STPG2: variants seen among roughly 807,000 people sequenced by gnomAD.
The protein encoded by STPG2 is sperm-tail PG-rich repeat-containing protein 2.
A neutral mutation model predicts 54.2 loss-of-function variants in STPG2; 56 were observed. That is an observed-to-expected ratio of 1.03 (90% CI 0.83 to 1.29). STPG2 has a LOEUF of 1.29. Ranked by LOEUF, STPG2 falls within the 50% of genes most tolerant of loss-of-function variation. STPG2 has a pLI of 0.00. For missense variants in STPG2, 596 were observed against 544.9 expected, an observed-to-expected ratio of 1.09 and a Z score of -0.93; for synonymous variants, 200 against 181.8, an observed-to-expected ratio of 1.10 and a Z score of -0.81.
chr4:97,949,738 T>C (rs1283718035), intron 7 of STPG2, among the ~76,000 whole-genome samples: 1 of 152,222 alleles, frequency 6.6e-6, no homozygotes, highest in African/African-American at 2.4e-5. Context: ...GTAAGTGTTC[T>C]GCTGAGAAGT....
intron 4 of STPG2, among the ~76,000 whole-genome samples, chr4:97,548,555 G>A (rs1208498070): frequency 6.6e-6 from 1 of 151,308 alleles, no homozygotes; most frequent in Admixed American, 6.6e-5. Flanking sequence ...AATAAACTTA[G>A]TATGAAATAA....
chr4:97,528,648 ATTTG>A (rs1202684073), intron 4 of STPG2, among the ~76,000 whole-genome samples: 1 of 152,072 alleles, frequency 6.6e-6, no homozygotes, highest in African/African-American at 2.4e-5. Context: ...ATGTTTTGCC[ATTTG>A]TTTGTGTCCT....
intron 4 of STPG2, among the ~76,000 whole-genome samples, chr4:97,512,977 G>A (rs556633725): frequency 6.6e-6 from 1 of 151,900 alleles, no homozygotes. Context: ...ACAGGTTAAG[G>A]GCTTAGTCCC....
At chr4:97,634,862 G>C (rs372855124) in intron 10 of STPG2, among the ~76,000 whole-genome samples, 9,635 of 150,826 alleles carry the variant, frequency 0.064, 361 homozygotes, top group South Asian at 0.17. Flanking sequence ...ATCTACGTCT[G>C]ATTGGTGTAC....
At chr4:97,955,277 C>T (rs1007196441) in intron 7 of STPG2, among the ~76,000 whole-genome samples, 18 of 149,982 alleles carry the variant, frequency 1.2e-4, no homozygotes, top group Admixed American at 2.7e-4. Context: ...TGCAGTGGCA[C>T]GATCTCGGCT....
At chr4:98,002,459 T>C (rs1373882158) in intron 5 of STPG2, among the ~76,000 whole-genome samples, 1 of 151,934 alleles carries the variant, frequency 6.6e-6, no homozygotes, top group Non-Finnish European at 1.5e-5. Context: ...GGATGGGCAA[T>C]GGCAATCAGA....
intron 7 of STPG2, among the ~76,000 whole-genome samples, chr4:97,959,324 G>GA (rs1274702001): frequency 6.6e-6 from 1 of 151,008 alleles, no homozygotes; most frequent in African/African-American, 2.4e-5. Context: ...AGAGAAACAA[G>GA]AAAAAACCAA....
intron 10 of STPG2, among the ~76,000 whole-genome samples, chr4:97,624,159 T>C (rs1271242058): frequency 6.6e-6 from 1 of 152,192 alleles, no homozygotes; most frequent in African/African-American, 2.4e-5. Flanking sequence ...TACCCAGTAA[T>C]AGGATTGCTT....
intron 8 of STPG2, among the ~76,000 whole-genome samples, chr4:97,856,411 C>T (rs6532704): frequency 0.58 from 88,617 of 151,984 alleles, 26,394 homozygotes; most frequent in East Asian, 0.74. Flanking sequence ...TATTTTATTC[C>T]CTTTGTAACA....
At chr4:98,041,402 C>T in intron 5 of STPG2, among the ~76,000 whole-genome samples, 1 of 151,708 alleles carries the variant, frequency 6.6e-6, no homozygotes, top group Admixed American at 6.6e-5. Context: ...CTGTCTTGTT[C>T]CACTTCTTGT....
intron 10 of STPG2, among the ~76,000 whole-genome samples, chr4:97,623,054 C>A (rs1429397142): frequency 6.6e-6 from 1 of 152,120 alleles, no homozygotes; most frequent in African/African-American, 2.4e-5. Context: ...GCTGGAATAA[C>A]TGGCTAGCCC....
intron 5 of STPG2, among the ~76,000 whole-genome samples, chr4:98,014,751 C>A (rs1031178779): frequency 6.6e-6 from 1 of 151,992 alleles, no homozygotes; most frequent in African/African-American, 2.4e-5. Flanking sequence ...GCTTTCATTT[C>A]TCTTTGATGA....
intron 5 of STPG2, among the ~76,000 whole-genome samples, chr4:98,093,472 CTATAGGAGGGGGA>C (rs531326111): frequency 3.2e-4 from 48 of 152,162 alleles, no homozygotes; most frequent in African/African-American, 1.1e-3. Context: ...TCCAAAGATA[CTATAGGAGGGGGA>C]TAAAGATGAT....
At chr4:97,877,196 T>C (rs1042970853) in intron 8 of STPG2, among the ~76,000 whole-genome samples, 2 of 152,194 alleles carry the variant, frequency 1.3e-5, no homozygotes, top group East Asian at 3.8e-4. Context: ...TTGTACCCTT[T>C]AATCAACATC....
intron 4 of STPG2, among the ~76,000 whole-genome samples, chr4:97,521,480 C>A (rs1458581709): frequency 6.6e-6 from 1 of 151,980 alleles, no homozygotes; most frequent in Non-Finnish European, 1.5e-5. Flanking sequence ...CATTTGGGAT[C>A]ATTACCCAGA....
intron 8 of STPG2, among the ~76,000 whole-genome samples, chr4:97,872,777 CTT>C (rs1242428050): frequency 6.6e-6 from 1 of 151,034 alleles, no homozygotes; most frequent in Admixed American, 6.6e-5. Flanking sequence ...TATATTATAA[CTT>C]ATTACAATTA....
At chr4:97,771,398 T>C (rs1726214942) in intron 9 of STPG2, among the ~76,000 whole-genome samples, 1 of 151,980 alleles carries the variant, frequency 6.6e-6, no homozygotes, top group South Asian at 2.1e-4. Flanking sequence ...CTTCCTAAGG[T>C]TGGGGTTCAG....
At position 98,065,932 on chromosome 4, in the gene STPG2, C is replaced by G. The variant is rs77447703; in HGVS notation, c.612+40021G>C. On this transcript the variant is annotated intron_variant, in intron 5 of 10. Transcript: ENST00000295268. The stretch of plus-strand genomic sequence containing the variant: ...TACCTAGAGAAGTATATTCTAGGAA[C>G]AACTTTCCAAAATTGCTTCAAAATT... Among the ~76,000 whole-genome samples the G allele has an allele frequency of 4.1e-3, 624 of 152,130 alleles. 30 individuals carry two copies. The East Asian group carries it at 0.1, about 25-fold the overall frequency.
intron 5 of STPG2, among the ~76,000 whole-genome samples, chr4:98,087,560 CTTTT>C (rs70955916): frequency 1.5e-5 from 2 of 132,288 alleles, no homozygotes; most frequent in Non-Finnish European, 1.6e-5. Flanking sequence ...CTCTTTTTTT[CTTTT>C]TTTTTTTTTT....
Sources: allele counts gnomAD v4.1 joint callset (sites outside exome capture counted in the v4.1 genomes callset), GRCh38; gene constraint gnomAD v4.1.1; transcripts MANE v1.5; gene names NCBI Gene and HGNC (gene_info 2026-07-23, HGNC 2026-07-21).